Variants in FAT3 observed in about 807,000 individuals in gnomAD.
The protein encoded by FAT3 is protocadherin Fat 3.
A neutral mutation model predicts 310.2 loss-of-function variants in FAT3; 95 were observed. The ratio of observed to expected loss-of-function variants is 0.31; its 90% confidence interval spans 0.26 to 0.36. FAT3 has a LOEUF of 0.36. Ranked by LOEUF, FAT3 falls within the 10% of genes least tolerant of loss-of-function variation. The pLI, the probability that FAT3 is intolerant of heterozygous loss-of-function variation, is 1.00. For missense variants in FAT3, 5,408 were observed against 5,715.6 expected (o/e 0.95, Z 1.74); for synonymous variants, 2,314 against 2,192.9 (o/e 1.06, Z -1.54).
intron 4 of FAT3, among the ~76,000 whole-genome samples, chr11:92,700,159 C>G (rs1348555277): frequency 6.6e-6 from 1 of 152,104 alleles, no homozygotes; most frequent in African/African-American, 2.4e-5. Context: ...GGGTGACAGG[C>G]AACATTCAGT....
chr11:92,767,070 G>A lies in FAT3; in HGVS notation c.4195+1981G>A, dbSNP rs571584420. On this transcript the variant is annotated intron_variant, in intron 6 of 27. Transcript: ENST00000525166. ...TCGAGACCAACGTGTCCAACATGGC[G>A]AAACCCCATCTCTACTAAAAATACA... 7.2e-5 allele frequency among the ~76,000 whole-genome samples: 11 copies of A among 152,154 alleles called. No homozygotes were observed. In the South Asian group the frequency reaches 1.9e-3, roughly 26 times the overall value.
intron 6 of FAT3, among the ~76,000 whole-genome samples, chr11:92,771,305 G>T (rs147629125): frequency 2.0e-5 from 3 of 152,120 alleles, no homozygotes; most frequent in Non-Finnish European, 4.4e-5. Context: ...CACCCTGGAC[G>T]ATTTGGACGT....
chr11:92,491,667 T>C (rs191996372), intron 2 of FAT3, among the ~76,000 whole-genome samples: 30 of 152,180 alleles, frequency 2.0e-4, no homozygotes, highest in Admixed American at 1.4e-3. Context: ...ATTAGAGCAA[T>C]GTGTTGAGTT....
intron 3 of FAT3, among the ~76,000 whole-genome samples, chr11:92,540,313 C>A (rs1209081209): frequency 6.6e-6 from 1 of 152,140 alleles, no homozygotes; most frequent in Non-Finnish European, 1.5e-5. Context: ...AGTACCTCCA[C>A]GTCAGTAGCC....
At position 92,844,751 on chromosome 11, in the gene FAT3, G is replaced by A. The variant is rs371883687; in HGVS notation, c.11365+19G>A. 2.7e-5 allele frequency: 40 copies of A among 1,488,378 alleles called. No homozygotes were observed. Among genetic ancestry groups the A allele is most frequent in the Non-Finnish European group, 3.2e-5 (35 of 1,110,478 alleles). 92.2% of individuals were successfully genotyped at this position (1,488,378 alleles called of 1,614,324 possible). On this transcript the variant is annotated intron_variant, in intron 19 of 27. Coordinates refer to ENST00000525166, the MANE Select transcript of FAT3 (RefSeq NM_001367949.2). Reference sequence around the variant, plus strand: ...TGCAATGGTGAGTGCAGTTTTGAGTGTTCCCTCTCAACTCCTGAGATTGTA... The same window carrying A: ...TGCAATGGTGAGTGCAGTTTTGAGTATTCCCTCTCAACTCCTGAGATTGTA...
At chr11:92,569,333 T>C (rs571415) in intron 3 of FAT3, among the ~76,000 whole-genome samples, 59,375 of 152,118 alleles carry the variant, frequency 0.39, 12,315 homozygotes, top group Middle Eastern at 0.53. Flanking sequence ...GCCCTCAGAA[T>C]ATTCAGTAAA....
At chr11:92,429,190 A>G (rs1314480224) in intron 2 of FAT3, among the ~76,000 whole-genome samples, 1 of 152,106 alleles carries the variant, frequency 6.6e-6, no homozygotes, top group East Asian at 1.9e-4. Context: ...ATCAGAGACT[A>G]GGATTGCAAC....
chr11:92,417,394 G>T (rs141227848), intron 2 of FAT3, among the ~76,000 whole-genome samples: 3 of 152,318 alleles, frequency 2.0e-5, no homozygotes, highest in Non-Finnish European at 4.4e-5. Flanking sequence ...ATAACAAAAT[G>T]AGAAGATATG....
At chr11:92,576,211 G>A (rs183103524) in intron 3 of FAT3, among the ~76,000 whole-genome samples, 6 of 152,224 alleles carry the variant, frequency 3.9e-5, no homozygotes, top group Admixed American at 3.3e-4. Context: ...CTTTGTCACC[G>A]AGCTGCATTC....
chr11:92,887,626 G>A (rs1313951518), intron 25 of FAT3, among the ~76,000 whole-genome samples: 2 of 152,158 alleles, frequency 1.3e-5, no homozygotes, highest in Non-Finnish European at 2.9e-5. Context: ...CTGTGAAGCA[G>A]CTCCTTAGAA....
At chr11:92,875,670 G>A (rs566570770) in intron 22 of FAT3, among the ~76,000 whole-genome samples, 2 of 152,220 alleles carry the variant, frequency 1.3e-5, no homozygotes, top group East Asian at 3.9e-4. Context: ...TTTAACAACT[G>A]ACCTGCCAAA....
chr11:92,271,361 T>C (rs1946117786), intron 1 of FAT3, among the ~76,000 whole-genome samples: 1 of 152,132 alleles, frequency 6.6e-6, no homozygotes, highest in South Asian at 2.1e-4. Flanking sequence ...ATGTCTTCCC[T>C]CTGCTGCTTT....
intron 1 of FAT3, among the ~76,000 whole-genome samples, chr11:92,249,816 T>G (rs562902894): frequency 2.6e-5 from 4 of 152,082 alleles, no homozygotes; most frequent in Non-Finnish European, 4.4e-5. Context: ...ATGAAGTCAT[T>G]GGAGAGAGCT....
chr11:92,453,662 A>G (rs1951420993), intron 2 of FAT3, among the ~76,000 whole-genome samples: 1 of 152,296 alleles, frequency 6.6e-6, no homozygotes, highest in South Asian at 2.1e-4. Context: ...TTTACTAACT[A>G]TATTCAACAA....
rs1217247727 is a variant in FAT3 at position 92,353,099 on chromosome 11, G to A, written c.987G>A (p.Arg329=). 5.6e-6 allele frequency: 9 copies of A among 1,613,548 alleles called. No homozygotes were observed. In the East Asian group the frequency reaches 2.0e-4, roughly 36 times the overall value. Reference sequence around the variant, plus strand: ...TGAATGAGTACAAGATTAAGGAGAGGAAGCAGATTGACTGGGAGAGCTTTC... The same window carrying A: ...TGAATGAGTACAAGATTAAGGAGAGAAAGCAGATTGACTGGGAGAGCTTTC... ...KWLNEYKIKE[R]KQIDWESFPY... is the part of the protein sequence containing the mutation. The change falls in exon 2 of 28, where the codon AGG becomes AGA. Residue 329 remains arginine, a synonymous_variant. Transcript: ENST00000525166.
intron 3 of FAT3, among the ~76,000 whole-genome samples, chr11:92,595,145 G>A (rs1338659166): frequency 2.6e-5 from 4 of 151,970 alleles, no homozygotes; most frequent in African/African-American, 9.7e-5. Flanking sequence ...CTTCTGTTTG[G>A]CAGGGATAAT....
intron 3 of FAT3, among the ~76,000 whole-genome samples, chr11:92,650,557 T>C (rs1053535086): frequency 1.3e-5 from 2 of 152,158 alleles, no homozygotes; most frequent in Non-Finnish European, 2.9e-5. Flanking sequence ...ATTGGCTCTT[T>C]AACAACAAAA....
chr11:92,432,552 G>T (rs1950814843), intron 2 of FAT3, among the ~76,000 whole-genome samples: 1 of 152,164 alleles, frequency 6.6e-6, no homozygotes, highest in South Asian at 2.1e-4. Context: ...TTTGCTGGAG[G>T]TGTACTCCAG....
At chr11:92,826,829 G>A (rs1193875945) in intron 13 of FAT3, among the ~76,000 whole-genome samples, 3 of 152,172 alleles carry the variant, frequency 2.0e-5, no homozygotes, top group Non-Finnish European at 4.4e-5. Context: ...AGACATAGGA[G>A]TGAATGTCAG....
Sources: allele counts gnomAD v4.1 joint callset (sites outside exome capture counted in the v4.1 genomes callset), GRCh38; gene constraint gnomAD v4.1.1; transcripts MANE v1.5; gene names NCBI Gene and HGNC (gene_info 2026-07-23, HGNC 2026-07-21).